Variants in SEZ6L observed in about 807,000 individuals in gnomAD.
The protein encoded by SEZ6L is seizure related 6 homolog like, also known as seizure 6-like protein.
In SEZ6L, 37 loss-of-function variants were observed where a neutral mutation model predicts 106.2. That is an observed-to-expected ratio of 0.35 (90% CI 0.27 to 0.46). SEZ6L has a LOEUF of 0.46. Among genes scored for constraint, SEZ6L ranks in the 20% least tolerant of loss-of-function variants. The pLI is 1.00. For synonymous variants in SEZ6L, 541 were observed against 570.4 expected (o/e 0.95, Z 0.73); for missense variants, 1,172 against 1,332.8 (o/e 0.88, Z 1.88).
intron 4 of SEZ6L, 120 bp downstream of exon 4, chr22:26,297,200 C>A (rs1218606705): frequency 3.0e-6 from 2 of 658,290 alleles, no homozygotes; most frequent in African/African-American, 1.8e-5. Context: ...ACCTACAAAC[C>A]CCTTCTCAGA....
chr22:26,372,687 T>C (rs1601646344), intron 13 of SEZ6L, among the ~76,000 whole-genome samples: 2 of 152,296 alleles, frequency 1.3e-5, no homozygotes, highest in South Asian at 4.1e-4. Context: ...TGGTATATTT[T>C]TGTGCTTAGC....
intron 5 of SEZ6L, among the ~76,000 whole-genome samples, chr22:26,302,855 C>T (rs1395748245): frequency 6.6e-6 from 1 of 152,178 alleles, no homozygotes; most frequent in African/African-American, 2.4e-5. Context: ...GCAGAGAAGC[C>T]GCAAACGATC....
intron 1 of SEZ6L, among the ~76,000 whole-genome samples, chr22:26,233,853 T>A (rs574365926): frequency 2.0e-4 from 30 of 152,158 alleles, no homozygotes; most frequent in African/African-American, 6.7e-4. Flanking sequence ...AAGGTGACAT[T>A]TGAGCTGGGG....
At chr22:26,305,230 T>A (rs1383736256) in intron 5 of SEZ6L, among the ~76,000 whole-genome samples, 2 of 152,252 alleles carry the variant, frequency 1.3e-5, no homozygotes, top group African/African-American at 4.8e-5. Context: ...GTGTTTTTTT[T>A]ATTTTTCATT....
At chr22:26,312,163 G>A (rs2081859258) in intron 8 of SEZ6L, among the ~76,000 whole-genome samples, 1 of 152,186 alleles carries the variant, frequency 6.6e-6, no homozygotes, top group Non-Finnish European at 1.5e-5. Flanking sequence ...AATTTTAGAA[G>A]GTGCACCTTC....
At chr22:26,302,699 C>A (rs2081493769) in intron 5 of SEZ6L, among the ~76,000 whole-genome samples, 1 of 152,134 alleles carries the variant, frequency 6.6e-6, no homozygotes. Flanking sequence ...GGTCTTCACG[C>A]CTCTCTCACA....
intron 1 of SEZ6L, among the ~76,000 whole-genome samples, chr22:26,272,280 G>C (rs6004984): frequency 0.09 from 13,643 of 152,176 alleles, 782 homozygotes; most frequent in Middle Eastern, 0.15. Context: ...CTTACAATTG[G>C]GGGGAGTTTT....
chr22:26,225,987 C>T (rs912437707), intron 1 of SEZ6L, among the ~76,000 whole-genome samples: 78 of 152,180 alleles, frequency 5.1e-4, no homozygotes, highest in African/African-American at 1.8e-3. Flanking sequence ...TCTCTCACTT[C>T]CCTTATCCAT....
chr22:26,179,281 T>A (rs2123772743), intron 1 of SEZ6L, among the ~76,000 whole-genome samples: 1 of 152,204 alleles, frequency 6.6e-6, no homozygotes, highest in East Asian at 1.9e-4. Flanking sequence ...TCCCAGCTAC[T>A]CAAGAGGCTG....
intron 1 of SEZ6L, among the ~76,000 whole-genome samples, chr22:26,174,355 T>C (rs181072092): frequency 2.6e-5 from 4 of 152,064 alleles, no homozygotes; most frequent in East Asian, 3.9e-4. Flanking sequence ...CCCCGCGGAA[T>C]TGGAGAGAGG....
chr22:26,347,978 T>C, intron 11 of SEZ6L, 65 bp downstream of exon 11: 1 of 1,362,516 alleles, frequency 7.3e-7, no homozygotes, highest in African/African-American at 1.5e-5. Context: ...GGGATCTTTT[T>C]TTGGTGGGTG....
intron 1 of SEZ6L, among the ~76,000 whole-genome samples, chr22:26,199,426 C>T (rs997669489): frequency 6.6e-6 from 1 of 152,082 alleles, no homozygotes; most frequent in East Asian, 1.9e-4. Context: ...TCTATTCATC[C>T]GAGAGAAAAC....
intron 9 of SEZ6L, among the ~76,000 whole-genome samples, chr22:26,329,664 G>T (rs1274041591): frequency 6.6e-6 from 1 of 152,186 alleles, no homozygotes; most frequent in Admixed American, 6.5e-5. Flanking sequence ...ATTCTGTGTT[G>T]CTGAGAGGTG....
rs761996936 is a variant in SEZ6L at position 26,292,730 on chromosome 22, C to A, written c.419C>A (p.Ala140Asp). 3 of 1,614,026 alleles carry A rather than the reference C, an allele frequency of 1.9e-6. No homozygotes were observed. The highest frequency in any genetic ancestry group is 2.5e-6 in the Non-Finnish European group (3 of 1,179,990). Reference protein sequence around the residue: ...KQLRPKATSAATVQRAGSQPA... With the variant: ...KQLRPKATSADTVQRAGSQPA... Reference sequence around the variant, plus strand: ...CTGAGGCCCAAGGCCACCTCCGCAGCCACTGTCCAAAGGGCAGGGTCCCAG... The same window carrying A: ...CTGAGGCCCAAGGCCACCTCCGCAGACACTGTCCAAAGGGCAGGGTCCCAG... Residue 140 changes from alanine (A) to aspartate (D), a missense_variant, in exon 2 of 17, where the codon GCC (alanine) becomes GAC (aspartate). By Grantham distance (126) the Ala-to-Asp change is moderately radical. Around this residue, in one of 4 missense-constraint regions of SEZ6L, gnomAD observed 494 missense variants for 445.8 expected, o/e 1.11. Transcript: ENST00000248933.
rs1005731751 is a variant in SEZ6L, at chr22:26,210,016, C to G, written c.94+40253C>G. 1.2e-3 allele frequency among the ~76,000 whole-genome samples: 168 copies of G among 140,236 alleles called. 1 individual carries two copies. Among genetic ancestry groups the G allele is most frequent in the African/African-American group, 4.3e-3 (163 of 37,540 alleles). The allele number at this position is 140,236 out of a possible 152,430, so 92.0% of individuals were successfully genotyped here. On this transcript the variant is annotated intron_variant, in intron 1 of 16. Transcript: ENST00000248933. ...GAGGAAGGAAGGAAGAAGGATGGGTCAATGAAAAAAAATATGTATTATGAA... is the reference window on the plus strand; with the variant it reads ...GAGGAAGGAAGGAAGAAGGATGGGTGAATGAAAAAAAATATGTATTATGAA...
chr22:26,219,253 A>G (rs2078386781), intron 1 of SEZ6L, among the ~76,000 whole-genome samples: 2 of 34,496 alleles, frequency 5.8e-5, no homozygotes, highest in Non-Finnish European at 1.9e-4. Flanking sequence ...GAGAAATACA[A>G]GTTTTTTTTT....
intron 6 of SEZ6L, among the ~76,000 whole-genome samples, chr22:26,308,110 C>T (rs531670331): frequency 2.0e-5 from 3 of 152,280 alleles, no homozygotes; most frequent in African/African-American, 7.2e-5. Flanking sequence ...TTATGTCTGT[C>T]CCATGTACTT....
intron 1 of SEZ6L, among the ~76,000 whole-genome samples, chr22:26,217,271 A>G (rs1415809071): frequency 6.6e-6 from 1 of 152,014 alleles, no homozygotes; most frequent in Admixed American, 6.6e-5. Context: ...TAACCCTCCA[A>G]CCCTTGAAAC....
intron 9 of SEZ6L, among the ~76,000 whole-genome samples, chr22:26,330,368 G>C (rs1427232463): frequency 1.3e-5 from 2 of 152,218 alleles, no homozygotes; most frequent in Non-Finnish European, 2.9e-5. Flanking sequence ...CCGAGGATAA[G>C]ATGAAATGGT....
Sources: allele counts gnomAD v4.1 joint callset (sites outside exome capture counted in the v4.1 genomes callset), GRCh38; gene constraint gnomAD v4.1.1; regional missense constraint gnomAD v4.1.1; transcripts MANE v1.5; gene names NCBI Gene and HGNC (gene_info 2026-07-23, HGNC 2026-07-21).